CNTN5: variants seen among roughly 807,000 people sequenced by gnomAD.
CNTN5 encodes the protein contactin-5.
CNTN5 carries 77 observed loss-of-function variants against 129.1 expected under a neutral mutation model. The ratio of observed to expected loss-of-function variants is 0.60; its 90% confidence interval spans 0.50 to 0.72. The LOEUF (loss-of-function observed/expected upper bound fraction) is 0.72, where lower values mean the gene tolerates loss of function less well. Among genes scored for constraint, CNTN5 ranks in the 30% least tolerant of loss-of-function variants. CNTN5 has a pLI of 0.00. For missense variants in CNTN5, 1,478 were observed against 1,328.8 expected, an observed-to-expected ratio of 1.11 and a Z score of -1.75; for synonymous variants, 509 against 465.6, an observed-to-expected ratio of 1.09 and a Z score of -1.20.
At chr11:99,473,021 A>C (rs1486075940) in intron 2 of CNTN5, among the ~76,000 whole-genome samples, 1 of 152,088 alleles carries the variant, frequency 6.6e-6, no homozygotes, top group African/African-American at 2.4e-5. Flanking sequence ...TATTCGAATT[A>C]ATTAATGCTG....
At chr11:100,281,186 T>A (rs1337028806) in intron 18 of CNTN5, among the ~76,000 whole-genome samples, 1 of 152,146 alleles carries the variant, frequency 6.6e-6, no homozygotes, top group Non-Finnish European at 1.5e-5. Flanking sequence ...ACCAATGAGT[T>A]TTTTACATTC....
At chr11:99,417,406 T>A (rs368405729) in intron 2 of CNTN5, among the ~76,000 whole-genome samples, 1 of 151,952 alleles carries the variant, frequency 6.6e-6, no homozygotes. Context: ...GTGAATATGT[T>A]AATCTACACT....
chr11:99,115,516 T>C lies in CNTN5; in HGVS notation c.-210+94246T>C, dbSNP rs531410420. Among the ~76,000 whole-genome samples the C allele has an allele frequency of 2.6e-5, 4 of 152,242 alleles. No individual in the cohort carries two copies. The East Asian group carries it at 7.7e-4, about 29-fold the overall frequency. On this transcript the variant is annotated intron_variant, in intron 1 of 24. Transcript: ENST00000524871. ...GCTCATGCCTGTAATCCTAGCACTT[T>C]GTGAGGCTGAGGTTAGGCGGATCAC...
At chr11:99,093,091 A>G (rs138194953) in intron 1 of CNTN5, among the ~76,000 whole-genome samples, 91 of 152,168 alleles carry the variant, frequency 6.0e-4, no homozygotes, top group African/African-American at 2.1e-3. Context: ...TAGTTGAATG[A>G]GAGAGCACAT....
intron 13 of CNTN5, among the ~76,000 whole-genome samples, chr11:100,076,633 C>CCAGTCAAAGTGTTGTT (rs1944138035): frequency 6.6e-6 from 1 of 151,824 alleles, no homozygotes; most frequent in Non-Finnish European, 1.5e-5. Context: ...GTCAATACTT[C>CCAGTCAAAGTGTTGTT]CAGTCAAAGT....
chr11:100,125,296 C>T (rs765823607), intron 13 of CNTN5, among the ~76,000 whole-genome samples: 3 of 151,702 alleles, frequency 2.0e-5, no homozygotes, highest in Non-Finnish European at 4.4e-5. Flanking sequence ...AATATAATAC[C>T]CAGTAGCTTT....
intron 8 of CNTN5, among the ~76,000 whole-genome samples, chr11:99,970,000 C>T (rs1412293075): frequency 1.3e-5 from 2 of 152,100 alleles, no homozygotes; most frequent in Non-Finnish European, 2.9e-5. Flanking sequence ...GACATTTGTG[C>T]TATTAATTAC....
At chr11:99,815,180 G>C (rs758744490) in intron 3 of CNTN5, among the ~76,000 whole-genome samples, 9 of 151,088 alleles carry the variant, frequency 6.0e-5, no homozygotes, top group African/African-American at 1.9e-4. Context: ...AAGATGTACA[G>C]AAAAACACAC....
chr11:99,736,740 G>C (rs1224165832), intron 3 of CNTN5, among the ~76,000 whole-genome samples: 1 of 152,090 alleles, frequency 6.6e-6, no homozygotes, highest in East Asian at 1.9e-4. Flanking sequence ...ATATACTGCA[G>C]TAGGCCTATC....
rs371863928 is a variant in CNTN5, at chr11:100,268,027, A to G, written c.2165-3065A>G. 1.8e-4 allele frequency among the ~76,000 whole-genome samples: 28 copies of G among 152,286 alleles called. No individual in the cohort carries two copies. The South Asian group carries it at 5.0e-3, about 27-fold the overall frequency. On this transcript the variant is annotated intron_variant, in intron 17 of 24. Transcript: ENST00000524871. ...CAGCATTTGCTGAAAAACTGGATGT[A>G]AACAGTATGAGAGAAAAAGAATTCA...
At chr11:100,234,463 C>A (rs1385595154) in intron 16 of CNTN5, among the ~76,000 whole-genome samples, 1 of 151,832 alleles carries the variant, frequency 6.6e-6, no homozygotes, top group African/African-American at 2.4e-5. Flanking sequence ...ACTATACAGC[C>A]GTAAAAAAAG....
chr11:99,643,583 C>T (rs1311159576), intron 3 of CNTN5, among the ~76,000 whole-genome samples: 3 of 151,966 alleles, frequency 2.0e-5, no homozygotes, highest in Non-Finnish European at 4.4e-5. Flanking sequence ...ATGCATAAAA[C>T]AAGGAATAGA....
intron 21 of CNTN5, among the ~76,000 whole-genome samples, chr11:100,328,533 C>G (rs551501460): frequency 2.0e-5 from 3 of 152,236 alleles, no homozygotes; most frequent in African/African-American, 2.4e-5. Flanking sequence ...AAAGGAGAAG[C>G]AGGCACATCT....
At chr11:99,078,101 T>A (rs1375624608) in intron 1 of CNTN5, among the ~76,000 whole-genome samples, 1 of 152,152 alleles carries the variant, frequency 6.6e-6, no homozygotes, top group Non-Finnish European at 1.5e-5. Context: ...GATTTAAAAA[T>A]TATCTAAAAA....
intron 3 of CNTN5, among the ~76,000 whole-genome samples, chr11:99,601,627 A>T (rs959829987): frequency 2.0e-5 from 3 of 152,192 alleles, no homozygotes; most frequent in Non-Finnish European, 2.9e-5. Context: ...TAAACAACGA[A>T]TTTGTATTTC....
intron 13 of CNTN5, among the ~76,000 whole-genome samples, chr11:100,101,811 A>G (rs751977991): frequency 1.3e-5 from 2 of 152,142 alleles, no homozygotes; most frequent in Non-Finnish European, 2.9e-5. Context: ...GCTTCCATGT[A>G]TATGTGAGAA....
chr11:99,815,409 G>A (rs894759036), intron 3 of CNTN5, among the ~76,000 whole-genome samples: 16 of 152,096 alleles, frequency 1.1e-4, no homozygotes, highest in African/African-American at 2.9e-4. Context: ...AAAGGGCTGG[G>A]CAGCTAAGAG....
chr11:100,000,850 T>G (rs1939819509), intron 8 of CNTN5, among the ~76,000 whole-genome samples: 1 of 152,180 alleles, frequency 6.6e-6, no homozygotes, highest in Admixed American at 6.5e-5. Flanking sequence ...TGCCAAGGCT[T>G]GGGGCTTGCA....
chr11:99,127,573 A>C (rs1470941560), intron 1 of CNTN5, among the ~76,000 whole-genome samples: 1 of 152,120 alleles, frequency 6.6e-6, no homozygotes, highest in Non-Finnish European at 1.5e-5. Flanking sequence ...TCACTTCACC[A>C]GTTCTCTGCA....
Sources: allele counts gnomAD v4.1 joint callset (sites outside exome capture counted in the v4.1 genomes callset), GRCh38; gene constraint gnomAD v4.1.1; transcripts MANE v1.5; gene names NCBI Gene and HGNC (gene_info 2026-07-23, HGNC 2026-07-21).